The following SND1 variants were observed in gnomAD, a reference collection of about 807,000 sequenced individuals.
The protein encoded by SND1 is staphylococcal nuclease and tudor domain containing 1.
A neutral mutation model predicts 121.7 loss-of-function variants in SND1; 38 were observed. That is an observed-to-expected ratio of 0.31 (90% CI 0.24 to 0.41). SND1 has a LOEUF of 0.41. Ranked by LOEUF, SND1 falls within the 10% of genes least tolerant of loss-of-function variation. The pLI is 1.00. For synonymous variants in SND1, 401 were observed against 447.4 expected, an observed-to-expected ratio of 0.90 and a Z score of 1.31; for missense variants, 868 against 1,184.6, an observed-to-expected ratio of 0.73 and a Z score of 3.92.
intron 14 of SND1, among the ~76,000 whole-genome samples, chr7:127,922,175 CTTTTTTTTTTT>C (rs1158535023): frequency 9.3e-4 from 53 of 57,198 alleles, no homozygotes; most frequent in South Asian, 6.3e-3. Flanking sequence ...TTTTTCTTTC[CTTTTTTTTTTT>C]TTTTTTTTTT....
chr7:127,996,466 C>T (rs923618560), intron 16 of SND1, among the ~76,000 whole-genome samples: 2 of 152,184 alleles, frequency 1.3e-5, no homozygotes, highest in African/African-American at 4.8e-5. Context: ...TCTCTTAGCC[C>T]TTCCCATTCC....
intron 9 of SND1, among the ~76,000 whole-genome samples, chr7:127,713,573 T>C (rs1334893972): frequency 6.6e-6 from 1 of 152,192 alleles, no homozygotes; most frequent in African/African-American, 2.4e-5. Context: ...CCCTGTTTTT[T>C]AGGAATTAAT....
intron 12 of SND1, among the ~76,000 whole-genome samples, chr7:127,859,285 G>A (rs67827668): frequency 4.6e-5 from 7 of 151,952 alleles, no homozygotes; most frequent in African/African-American, 9.7e-5. Context: ...TAATGTCTAC[G>A]TTTTGCAGGG....
At chr7:127,967,276 A>G (rs1298305445) in intron 15 of SND1, among the ~76,000 whole-genome samples, 1 of 152,172 alleles carries the variant, frequency 6.6e-6, no homozygotes, top group Non-Finnish European at 1.5e-5. Flanking sequence ...ATCAGTATTT[A>G]TTGACATGGA....
intron 18 of SND1, among the ~76,000 whole-genome samples, chr7:128,082,650 G>A (rs1407247601): frequency 3.3e-5 from 5 of 152,294 alleles, no homozygotes; most frequent in Admixed American, 2.0e-4. Context: ...TGAATGAACC[G>A]GGGCGGTGGC....
intron 15 of SND1, among the ~76,000 whole-genome samples, chr7:127,964,467 A>C (rs1005682101): frequency 6.6e-6 from 1 of 150,452 alleles, no homozygotes; most frequent in Non-Finnish European, 1.5e-5. Context: ...TCAGCTTTCT[A>C]CATATGGCTA....
At chr7:127,983,388 G>T (rs1802311613) in intron 15 of SND1, among the ~76,000 whole-genome samples, 1 of 152,138 alleles carries the variant, frequency 6.6e-6, no homozygotes, top group South Asian at 2.1e-4. Flanking sequence ...CTATAGAAAG[G>T]AGAGGTGTCC....
chr7:127,669,472 T>C (rs1795477403), intron 1 of SND1, among the ~76,000 whole-genome samples: 1 of 152,248 alleles, frequency 6.6e-6, no homozygotes, highest in South Asian at 2.1e-4. Flanking sequence ...ATCTCTCAAT[T>C]AACTGTTCAA....
intron 13 of SND1, among the ~76,000 whole-genome samples, chr7:127,899,620 T>C (rs966599881): frequency 2.6e-5 from 4 of 152,190 alleles, no homozygotes; most frequent in Admixed American, 2.0e-4. Context: ...TCCACTTGAT[T>C]TCACAAGCTG....
intron 8 of SND1, among the ~76,000 whole-genome samples, chr7:127,705,183 T>C (rs906012164): frequency 3.3e-5 from 5 of 152,254 alleles, no homozygotes; most frequent in African/African-American, 1.2e-4. Flanking sequence ...CTTGATTTGC[T>C]TTTTTAATGT....
At chr7:127,772,801 C>T (rs1234092261) in intron 10 of SND1, among the ~76,000 whole-genome samples, 1 of 152,060 alleles carries the variant, frequency 6.6e-6, no homozygotes, top group Non-Finnish European at 1.5e-5. Context: ...GATACATTTG[C>T]CTTGGTAGCA....
At chr7:128,073,536 C>G (rs1939633442) in intron 16 of SND1, among the ~76,000 whole-genome samples, 1 of 152,210 alleles carries the variant, frequency 6.6e-6, no homozygotes, top group South Asian at 2.1e-4. Context: ...TCCCTTCTAA[C>G]CTTCTGTCAC....
intron 11 of SND1, among the ~76,000 whole-genome samples, chr7:127,820,394 C>T (rs995049942): frequency 4.6e-5 from 7 of 152,092 alleles, no homozygotes; most frequent in Non-Finnish European, 8.8e-5. Context: ...TGCTTGCTGT[C>T]GGCAGTTTGG....
intron 10 of SND1, among the ~76,000 whole-genome samples, chr7:127,791,289 C>T (rs1424695903): frequency 6.6e-6 from 1 of 151,858 alleles, no homozygotes; most frequent in Non-Finnish European, 1.5e-5. Context: ...GCTACAACTA[C>T]AGGCACATGC....
intron 16 of SND1, among the ~76,000 whole-genome samples, chr7:128,040,451 A>AAAAAG (rs1792834174): frequency 6.7e-6 from 1 of 149,152 alleles, no homozygotes; most frequent in Non-Finnish European, 1.5e-5. Flanking sequence ...AAAAAAAAAA[A>AAAAAG]AAAAAAAAAA....
intron 1 of SND1, among the ~76,000 whole-genome samples, chr7:127,663,930 TTTC>T (rs1335516584): frequency 5.3e-5 from 8 of 152,352 alleles, no homozygotes; most frequent in Non-Finnish European, 1.5e-5. Flanking sequence ...CTTTTTCCTT[TTTC>T]TTCTTGGATA....
chr7:127,695,390 A>G (rs1436434782), intron 3 of SND1, among the ~76,000 whole-genome samples: 2 of 152,154 alleles, frequency 1.3e-5, no homozygotes, highest in Non-Finnish European at 2.9e-5. Flanking sequence ...TTTGCAGCCT[A>G]CATGTTTTTA....
intron 14 of SND1, among the ~76,000 whole-genome samples, chr7:127,915,994 ATATGTGTGTG>A (rs995352987): frequency 5.3e-5 from 4 of 75,492 alleles, no homozygotes; most frequent in African/African-American, 2.2e-4. Context: ...TTAGAACAGC[ATATGTGTGTG>A]TGTGTGTGTG....
At chr7:127,920,551 GA>G (rs1800680875) in intron 14 of SND1, among the ~76,000 whole-genome samples, 1 of 152,148 alleles carries the variant, frequency 6.6e-6, no homozygotes. Flanking sequence ...GAAAAAAGGG[GA>G]AAAGGGACAG....
Sources: gnomAD v4.1 joint callset for allele counts (sites outside exome capture counted in the v4.1 genomes callset) on GRCh38, gnomAD v4.1.1 for gene constraint, MANE v1.5 for transcripts, NCBI Gene and HGNC (gene_info 2026-07-23, HGNC 2026-07-21) for gene names.